Variants in GRID2 observed in about 807,000 individuals in gnomAD.
GRID2 encodes glutamate receptor ionotropic, delta-2.
GRID2 carries 33 observed loss-of-function variants against 114.8 expected under a neutral mutation model. The observed-to-expected ratio is 0.29, with a 90% confidence interval of 0.22 to 0.38. The LOEUF is 0.38. Ranked by LOEUF, GRID2 falls within the 10% of genes least tolerant of loss-of-function variation. The probability of loss-of-function intolerance (pLI) is 1.00; values close to 1 mark genes in which losing one functional copy is unlikely to be tolerated. For missense variants in GRID2, 1,184 were observed against 1,257.7 expected, an observed-to-expected ratio of 0.94 and a Z score of 0.89; for synonymous variants, 505 against 449.9, an observed-to-expected ratio of 1.12 and a Z score of -1.55.
At chr4:93,361,465 G>GTGA (rs1384185062) in intron 8 of GRID2, among the ~76,000 whole-genome samples, 8 of 143,058 alleles carry the variant, frequency 5.6e-5, no homozygotes, top group Admixed American at 3.5e-4. Context: ...AAATGTTACT[G>GTGA]TGATTATTAT....
intron 1 of GRID2, among the ~76,000 whole-genome samples, chr4:92,526,757 C>T (rs916661416): frequency 1.3e-5 from 2 of 151,964 alleles, no homozygotes; most frequent in African/African-American, 4.8e-5. Context: ...CACAAACACA[C>T]GCACAGTCTT....
Position 92,424,800 on chromosome 4 carries a change from A to G in GRID2, c.88+120056A>G, listed in dbSNP as rs545983198. 2.0e-5 allele frequency among the ~76,000 whole-genome samples: 3 copies of G among 151,730 alleles called. No homozygotes were observed. In the South Asian group the frequency reaches 6.2e-4, roughly 31 times the overall value. ...TTTCAATAAAAATTGTCTATTTACAACAGCAGTCCTAACAACAAAAAATAC... is the reference window on the plus strand; with the variant it reads ...TTTCAATAAAAATTGTCTATTTACAGCAGCAGTCCTAACAACAAAAAATAC... On this transcript the variant is annotated intron_variant, in intron 1 of 15. Coordinates refer to ENST00000282020, the MANE Select transcript of GRID2 (RefSeq NM_001510.4).
intron 8 of GRID2, among the ~76,000 whole-genome samples, chr4:93,293,361 A>C (rs1003760952): frequency 4.6e-5 from 7 of 152,220 alleles, no homozygotes; most frequent in Admixed American, 1.3e-4. Flanking sequence ...ATAAGTAAAA[A>C]TAAACTTTAT....
intron 4 of GRID2, among the ~76,000 whole-genome samples, chr4:93,113,639 A>G (rs1021116182): frequency 9.9e-5 from 15 of 152,200 alleles, no homozygotes; most frequent in Non-Finnish European, 2.1e-4. Flanking sequence ...GAGAAGGAAA[A>G]TGAAAGAGTA....
At chr4:93,728,830 A>G (rs1054743095) in intron 14 of GRID2, among the ~76,000 whole-genome samples, 10 of 151,064 alleles carry the variant, frequency 6.6e-5, no homozygotes. Flanking sequence ...TTTGTTTTCC[A>G]TTTGCTTGGT....
intron 2 of GRID2, among the ~76,000 whole-genome samples, chr4:92,884,382 T>C (rs1160963044): frequency 6.6e-6 from 1 of 152,148 alleles, no homozygotes; most frequent in Admixed American, 6.6e-5. Flanking sequence ...GAATGTTTGG[T>C]TTTCTTATTA....
At position 92,353,579 on chromosome 4, in the gene GRID2, C is replaced by A. The variant is rs576010468; in HGVS notation, c.88+48835C>A. On this transcript the variant is annotated intron_variant, in intron 1 of 15. Transcript: ENST00000282020. The stretch of plus-strand genomic sequence containing the variant: ...ACCATATTTCTCGTCTTGTGTGCCT[C>A]CTTGAAGTCTCTGTTCCTTAGCTTG... 3.3e-3 allele frequency among the ~76,000 whole-genome samples: 500 copies of A among 152,086 alleles called. 4 individuals are homozygous for A. Among genetic ancestry groups the A allele is most frequent in the African/African-American group, 0.011 (459 of 41,512 alleles).
intron 1 of GRID2, among the ~76,000 whole-genome samples, chr4:92,582,362 T>G (rs1005683663): frequency 3.3e-5 from 5 of 151,970 alleles, no homozygotes; most frequent in Non-Finnish European, 7.4e-5. Context: ...TGGAACTCAC[T>G]TAACACTATT....
intron 14 of GRID2, among the ~76,000 whole-genome samples, chr4:93,710,803 T>A (rs1167973983): frequency 6.6e-6 from 1 of 152,132 alleles, no homozygotes; most frequent in African/African-American, 2.4e-5. Flanking sequence ...CAAGGCAAAG[T>A]CCTTTTTACT....
chr4:93,696,338 C>G lies in GRID2; in HGVS notation c.2360+69903C>G, dbSNP rs145863779. The stretch of plus-strand genomic sequence containing the variant: ...ACTTTGCATTCAGTTTCTTCCACTG[C>G]CGATAATCAACTGCTCAATTTAACA... On this transcript the variant is annotated intron_variant, in intron 14 of 15. Transcript: ENST00000282020. Among the ~76,000 whole-genome samples the G allele has an allele frequency of 2.4e-3, 359 of 152,326 alleles. 5 individuals are homozygous for G. The highest frequency in any genetic ancestry group is 8.0e-3 in the African/African-American group (332 of 41,580).
chr4:92,827,884 G>C (rs913569070), intron 2 of GRID2, among the ~76,000 whole-genome samples: 1 of 152,016 alleles, frequency 6.6e-6, no homozygotes. Flanking sequence ...GGAATATGCT[G>C]TCAAGTCATT....
chr4:93,117,257 T>C (rs1445466902), intron 4 of GRID2, among the ~76,000 whole-genome samples: 1 of 152,146 alleles, frequency 6.6e-6, no homozygotes, highest in Non-Finnish European at 1.5e-5. Flanking sequence ...TGCTCTTGGA[T>C]AATAATGGCG....
chr4:92,376,022 T>A (rs1386237536), intron 1 of GRID2, among the ~76,000 whole-genome samples: 1 of 152,138 alleles, frequency 6.6e-6, no homozygotes, highest in Non-Finnish European at 1.5e-5. Flanking sequence ...CATAAAAGAA[T>A]TTTTTTCATT....
intron 1 of GRID2, among the ~76,000 whole-genome samples, chr4:92,426,316 T>A (rs929055628): frequency 6.6e-6 from 1 of 152,152 alleles, no homozygotes; most frequent in Non-Finnish European, 1.5e-5. Context: ...TAACATGATA[T>A]ACAAAGAACT....
intron 3 of GRID2, among the ~76,000 whole-genome samples, chr4:93,089,934 A>G (rs1247588902): frequency 6.6e-6 from 1 of 152,110 alleles, no homozygotes; most frequent in African/African-American, 2.4e-5. Context: ...CCCTATGTGT[A>G]ATGGGCTTGT....
At position 92,708,582 on chromosome 4, in the gene GRID2, A is replaced by AT. The variant is rs201132034; in HGVS notation, c.244+118303dup. 8.7e-4 allele frequency among the ~76,000 whole-genome samples: 132 copies of AT among 152,240 alleles called. 3 individuals are homozygous for AT. The East Asian group carries it at 0.017, about 19-fold the overall frequency. On this transcript the variant is annotated intron_variant, in intron 2 of 15. Coordinates refer to ENST00000282020, the MANE Select transcript of GRID2 (RefSeq NM_001510.4). ...TCATCTGCAATAAAAATTGTGTCTA[A>AT]TTTTTTTGGAAATGTGACAGATTAT...
At chr4:92,644,195 TA>T (rs1731502309) in intron 2 of GRID2, among the ~76,000 whole-genome samples, 1 of 151,756 alleles carries the variant, frequency 6.6e-6, no homozygotes, top group Admixed American at 6.6e-5. Flanking sequence ...TAACATTCTA[TA>T]AGTATTGTAG....
intron 1 of GRID2, among the ~76,000 whole-genome samples, chr4:92,395,151 A>G (rs1403835265): frequency 2.6e-5 from 4 of 151,650 alleles, no homozygotes; most frequent in South Asian, 2.1e-4. Flanking sequence ...ACAATTATTC[A>G]AAAATTAGCT....
intron 2 of GRID2, among the ~76,000 whole-genome samples, chr4:92,793,452 A>C (rs1015828368): frequency 1.3e-5 from 2 of 151,660 alleles, no homozygotes; most frequent in Non-Finnish European, 2.9e-5. Flanking sequence ...TACTAGGCTT[A>C]ACACCTGGGA....
Sources: allele counts gnomAD v4.1 joint callset (sites outside exome capture counted in the v4.1 genomes callset), GRCh38; gene constraint gnomAD v4.1.1; transcripts MANE v1.5; gene names NCBI Gene and HGNC (gene_info 2026-07-23, HGNC 2026-07-21).